The following ZNF423 variants were observed in gnomAD, a reference collection of about 807,000 sequenced individuals.
ZNF423 encodes the protein zinc finger protein 423.
In ZNF423, 12 loss-of-function variants were observed where a neutral mutation model predicts 95.8. That is an observed-to-expected ratio of 0.13 (90% confidence interval 0.08 to 0.20). ZNF423 has a LOEUF of 0.20. Ranked by LOEUF, ZNF423 falls within the 10% of genes least tolerant of loss-of-function variation. ZNF423 has a pLI of 1.00. For synonymous variants in ZNF423, 749 were observed against 711.9 expected, an observed-to-expected ratio of 1.05 and a Z score of -0.83; for missense variants, 1,316 against 1,737.1, an observed-to-expected ratio of 0.76 and a Z score of 4.31.
intron 1 of ZNF423, among the ~76,000 whole-genome samples, chr16:49,795,862 C>T (rs897150279): frequency 2.0e-5 from 3 of 152,172 alleles, no homozygotes; most frequent in East Asian, 1.9e-4. Context: ...AGGGTGTTTG[C>T]GGCCATCTCT....
At chr16:49,562,510 A>C (rs1223661511) in intron 5 of ZNF423, among the ~76,000 whole-genome samples, 1 of 152,244 alleles carries the variant, frequency 6.6e-6, no homozygotes, top group Non-Finnish European at 1.5e-5. Context: ...AAGCCAGGAA[A>C]GTATTTGTAT....
intron 5 of ZNF423, among the ~76,000 whole-genome samples, chr16:49,582,573 T>G (rs1440930884): frequency 6.6e-6 from 1 of 152,174 alleles, no homozygotes; most frequent in East Asian, 1.9e-4. Flanking sequence ...GAATAACCAA[T>G]GTAATTGATC....
chr16:49,571,786 T>C (rs1970364329), intron 5 of ZNF423, among the ~76,000 whole-genome samples: 1 of 152,096 alleles, frequency 6.6e-6, no homozygotes, highest in South Asian at 2.1e-4. Context: ...CTCGAACCCA[T>C]AGGTCACTCC....
chr16:49,773,385 G>A (rs572480868), intron 2 of ZNF423, among the ~76,000 whole-genome samples: 13 of 152,072 alleles, frequency 8.5e-5, no homozygotes, highest in South Asian at 2.1e-4. Flanking sequence ...TCACTGTCAC[G>A]AGAACAGCAC....
intron 5 of ZNF423, among the ~76,000 whole-genome samples, chr16:49,615,964 G>C (rs923850425): frequency 2.8e-4 from 42 of 152,110 alleles, no homozygotes; most frequent in African/African-American, 9.7e-4. Flanking sequence ...TTTTCACCTT[G>C]CTCCCACACA....
intron 2 of ZNF423, among the ~76,000 whole-genome samples, chr16:49,771,609 G>A (rs1351059488): frequency 6.6e-6 from 1 of 152,186 alleles, no homozygotes; most frequent in South Asian, 2.1e-4. Flanking sequence ...TCTCATGGTA[G>A]TGAGTAAATC....
At chr16:49,648,506 G>T (rs530417658) in intron 3 of ZNF423, among the ~76,000 whole-genome samples, 1 of 152,198 alleles carries the variant, frequency 6.6e-6, no homozygotes, top group East Asian at 1.9e-4. Flanking sequence ...GCTGGGCATG[G>T]TGGCACATGC....
At chr16:49,776,584 C>G (rs575311579) in intron 2 of ZNF423, among the ~76,000 whole-genome samples, 3 of 152,244 alleles carry the variant, frequency 2.0e-5, no homozygotes, top group African/African-American at 7.2e-5. Flanking sequence ...TGGGGACAGG[C>G]CTGCCAGGCC....
At chr16:49,725,050 C>T (rs1325081931) in intron 3 of ZNF423, among the ~76,000 whole-genome samples, 2 of 152,182 alleles carry the variant, frequency 1.3e-5, no homozygotes, top group East Asian at 3.9e-4. Context: ...CTGACACGAT[C>T]TGTAACCTTG....
intron 2 of ZNF423, among the ~76,000 whole-genome samples, chr16:49,755,125 GT>G (rs1254046275): frequency 6.6e-6 from 1 of 152,172 alleles, no homozygotes; most frequent in Non-Finnish European, 1.5e-5. Flanking sequence ...GTCAAGCCCT[GT>G]CCCCCCACAA....
intron 5 of ZNF423, among the ~76,000 whole-genome samples, chr16:49,595,314 C>A (rs1245237750): frequency 6.6e-6 from 1 of 152,224 alleles, no homozygotes; most frequent in Non-Finnish European, 1.5e-5. Flanking sequence ...TCAGTGGCTA[C>A]AGACAGAGGC....
intron 1 of ZNF423, among the ~76,000 whole-genome samples, chr16:49,816,199 G>A (rs764008420): frequency 1.3e-5 from 2 of 151,924 alleles, no homozygotes; most frequent in African/African-American, 2.4e-5. Context: ...GATTGCAGGC[G>A]TGAGCCACTG....
At position 49,637,018 on chromosome 16, in the gene ZNF423, G is replaced by C; in HGVS notation, c.2158C>G (p.Leu720Val). Reference protein sequence around the residue: ...SSVDDLQKHLLDMHTFVLYHC... With the variant: ...SSVDDLQKHLVDMHTFVLYHC... ...TACAACACAAAGGTGTGCATGTCCA[G>C]CAGGTGCTTCTGCAGGTCATCCACC... The change falls in exon 4 of 8, where the codon CTG (leucine) becomes GTG (valine). Residue 720 changes from leucine to valine, a missense_variant. Leu to Val is a conservative substitution (Grantham distance 32, BLOSUM62 1). This residue lies in a region of ZNF423 where 620 missense variants were observed against 775.6 expected (regional missense o/e 0.80). Coordinates refer to ENST00000563137, the MANE Select transcript of ZNF423 (RefSeq NM_001379286.1). The surrounding 1 kb of genome is among the most constrained non-coding windows in gnomAD (Gnocchi z 5.6). 6.2e-7 allele frequency: 1 copy of C among 1,613,982 alleles called. No individual in the cohort carries two copies. The highest frequency in any genetic ancestry group is 1.3e-5 in the African/African-American group (1 of 75,076).
At chr16:49,845,059 A>C (rs922210816) in intron 1 of ZNF423, among the ~76,000 whole-genome samples, 1 of 145,292 alleles carries the variant, frequency 6.9e-6, no homozygotes, top group Non-Finnish European at 1.5e-5. Context: ...AAAAAAAAAA[A>C]AAAACAAATC....
chr16:49,532,363 C>G lies in ZNF423; in HGVS notation c.3602-6869G>C, dbSNP rs114148893. Among the ~76,000 whole-genome samples the G allele has an allele frequency of 8.9e-3, 1,359 of 152,288 alleles. 26 individuals are homozygous for G. Among genetic ancestry groups the G allele is most frequent in the African/African-American group, 0.03 (1,265 of 41,544 alleles). On this transcript the variant is annotated intron_variant, in intron 5 of 7. Transcript: ENST00000563137. ...ACCGCTCAGCCATGGCTTGAAGGCA[C>G]AGCCCACCACGCTGCTCCCATTTTG...
At chr16:49,834,993 G>A (rs112816930) in intron 1 of ZNF423, among the ~76,000 whole-genome samples, 388 of 152,244 alleles carry the variant, frequency 2.5e-3, no homozygotes, top group African/African-American at 7.6e-3. Flanking sequence ...GCCTTGGGGG[G>A]CCAGGGCTGA....
intron 7 of ZNF423, among the ~76,000 whole-genome samples, chr16:49,513,356 A>G (rs905300217): frequency 6.6e-6 from 1 of 152,224 alleles, no homozygotes; most frequent in Non-Finnish European, 1.5e-5. Flanking sequence ...AGATGCCGCT[A>G]CTCACAGAAA....
At chr16:49,817,786 A>G (rs1256581390) in intron 1 of ZNF423, among the ~76,000 whole-genome samples, 2 of 152,134 alleles carry the variant, frequency 1.3e-5, no homozygotes, top group African/African-American at 2.4e-5. Flanking sequence ...GTTTGAGTCT[A>G]TCCATCTTTT....
intron 3 of ZNF423, among the ~76,000 whole-genome samples, chr16:49,656,988 A>G (rs2029905685): frequency 6.6e-6 from 1 of 152,032 alleles, no homozygotes; most frequent in Non-Finnish European, 1.5e-5. Flanking sequence ...GTTCCTAACC[A>G]CCGCGGGATA....
Sources: allele counts gnomAD v4.1 joint callset (sites outside exome capture counted in the v4.1 genomes callset), GRCh38; gene constraint gnomAD v4.1.1; regional missense constraint gnomAD v4.1.1; non-coding constraint Gnocchi (gnomAD v3.1); transcripts MANE v1.5; gene names NCBI Gene and HGNC (gene_info 2026-07-23, HGNC 2026-07-21).